The following MAP2K1 variants were observed in gnomAD, a reference collection of about 807,000 sequenced individuals.
MAP2K1 encodes the protein dual specificity mitogen-activated protein kinase kinase 1.
A neutral mutation model predicts 46.3 loss-of-function variants in MAP2K1; 16 were observed. The ratio of observed to expected loss-of-function variants is 0.35; its 90% CI spans 0.23 to 0.52. MAP2K1 has a LOEUF of 0.52. Among genes scored for constraint, MAP2K1 ranks in the 20% least tolerant of loss-of-function variants. The pLI is 0.94. For synonymous variants in MAP2K1, 183 were observed against 185.6 expected, an observed-to-expected ratio of 0.99 and a Z score of 0.11; for missense variants, 263 against 497.1, an observed-to-expected ratio of 0.53 and a Z score of 4.48.
intron 1 of MAP2K1, among the ~76,000 whole-genome samples, chr15:66,402,656 G>C (rs534108021): frequency 6.6e-6 from 1 of 152,024 alleles, no homozygotes; most frequent in African/African-American, 2.4e-5. Flanking sequence ...TGATGCTGTT[G>C]TTATTGAACA....
intron 1 of MAP2K1, among the ~76,000 whole-genome samples, chr15:66,405,860 T>C (rs937131386): frequency 2.0e-5 from 3 of 152,266 alleles, no homozygotes; most frequent in African/African-American, 7.2e-5. Context: ...TGGTTCTTTC[T>C]CTGACTTCCT....
intron 5 of MAP2K1, among the ~76,000 whole-genome samples, chr15:66,480,059 C>T (rs573994933): frequency 6.6e-6 from 1 of 151,792 alleles, no homozygotes; most frequent in East Asian, 1.9e-4. Context: ...CATGCGCCAC[C>T]ACGCTAATTT....
intron 1 of MAP2K1, among the ~76,000 whole-genome samples, chr15:66,428,005 CTCTG>C (rs1299773651): frequency 6.6e-6 from 1 of 152,092 alleles, no homozygotes; most frequent in Non-Finnish European, 1.5e-5. Context: ...CAGGGCAAGA[CTCTG>C]TCTCCAAAAA....
At chr15:66,471,777 C>T (rs972730518) in intron 5 of MAP2K1, among the ~76,000 whole-genome samples, 3 of 152,082 alleles carry the variant, frequency 2.0e-5, no homozygotes, top group African/African-American at 7.2e-5. Context: ...TTAAAATATA[C>T]TTTAAAAAGA....
At chr15:66,418,945 C>CTTTTTTT (rs753511565) in intron 1 of MAP2K1, among the ~76,000 whole-genome samples, 4 of 88,908 alleles carry the variant, frequency 4.5e-5, no homozygotes, top group African/African-American at 9.3e-5. Flanking sequence ...TGTGCCCGGC[C>CTTTTTTT]TTTTTTTTTT....
In MAP2K1 at chr15:66,490,532, G is replaced by A; in HGVS notation, c.1099G>A (p.Glu367Lys). 1 of 1,614,134 alleles carries A rather than the reference G, an allele frequency of 6.2e-7. No homozygotes were observed. The highest frequency in any genetic ancestry group is 8.5e-7 in the Non-Finnish European group (1 of 1,179,950). Residue 367 changes from glutamate (E) to lysine (K), a missense_variant, in exon 11 of 11, where the codon GAG (glutamate) becomes AAG (lysine). Glu to Lys is a moderately conservative substitution (Grantham distance 56). Transcript: ENST00000307102. ...TGCTTTTATCAAGAGATCTGATGCT[G>A]AGGAAGTGGATTTTGCAGGTTGGCT... Reference protein sequence around the residue: ...VHAFIKRSDAEEVDFAGWLCS... With the variant: ...VHAFIKRSDAKEVDFAGWLCS...
chr15:66,458,248 C>G (rs944245093), intron 5 of MAP2K1, among the ~76,000 whole-genome samples: 4 of 152,168 alleles, frequency 2.6e-5, no homozygotes, highest in African/African-American at 9.7e-5. Context: ...CATTGCCACC[C>G]TGCCGTTCTT....
chr15:66,388,929 G>A (rs1444208232), intron 1 of MAP2K1, among the ~76,000 whole-genome samples: 2 of 116,692 alleles, frequency 1.7e-5, no homozygotes, highest in Admixed American at 9.0e-5. Context: ...TTTTTGAGTC[G>A]GAGTTTCACT....
At chr15:66,455,850 C>G (rs368960398) in intron 5 of MAP2K1, among the ~76,000 whole-genome samples, 4 of 152,280 alleles carry the variant, frequency 2.6e-5, no homozygotes, top group Admixed American at 1.3e-4. Context: ...GTGATTTGTT[C>G]TGTTATTATA....
chr15:66,475,642 G>A (rs28610140), intron 5 of MAP2K1, among the ~76,000 whole-genome samples: 4,733 of 152,286 alleles, frequency 0.031, 100 homozygotes, highest in Non-Finnish European at 0.044. Context: ...ATAGAAGGCC[G>A]AGATTCACCT....
At chr15:66,459,778 C>T (rs1318687440) in intron 5 of MAP2K1, among the ~76,000 whole-genome samples, 1 of 152,178 alleles carries the variant, frequency 6.6e-6, no homozygotes, top group Non-Finnish European at 1.5e-5. Flanking sequence ...GACTTGTTGG[C>T]ACTGATAGCA....
chr15:66,400,165 C>CA (rs928329875), intron 1 of MAP2K1, among the ~76,000 whole-genome samples: 15 of 150,142 alleles, frequency 1.0e-4, no homozygotes, highest in South Asian at 2.1e-4. Context: ...AACAAACTAG[C>CA]AAAAAAAAAC....
chr15:66,423,604 ATTTTTTTTT>A, intron 1 of MAP2K1, among the ~76,000 whole-genome samples: 1 of 113,136 alleles, frequency 8.8e-6, no homozygotes, highest in South Asian at 2.9e-4. Context: ...TGCCAGGCTA[ATTTTTTTTT>A]TTTTTTTTTT....
chr15:66,454,891 AAAAC>A (rs945882725), intron 5 of MAP2K1, among the ~76,000 whole-genome samples: 16 of 152,140 alleles, frequency 1.1e-4, no homozygotes, highest in African/African-American at 3.6e-4. Flanking sequence ...TCGAAAAAAA[AAAAC>A]AAAAAAAGAA....
chr15:66,489,464 C>T, intron 9 of MAP2K1, 188 bp downstream of exon 9: 1 of 682,530 alleles, frequency 1.5e-6, no homozygotes, highest in South Asian at 1.7e-5. Context: ...TGTCTAACTA[C>T]ATCATGGATG....
intron 6 of MAP2K1, among the ~76,000 whole-genome samples, chr15:66,483,240 AC>A (rs1052639508): frequency 4.0e-5 from 6 of 150,828 alleles, no homozygotes; most frequent in African/African-American, 1.5e-4. Context: ...GCTGGCACCT[AC>A]CCCCCACTGT....
intron 5 of MAP2K1, among the ~76,000 whole-genome samples, chr15:66,467,482 T>C (rs1013909153): frequency 2.6e-5 from 4 of 152,180 alleles, no homozygotes; most frequent in African/African-American, 9.7e-5. Context: ...TGATTAGAAG[T>C]TATGGTTATT....
intron 1 of MAP2K1, among the ~76,000 whole-genome samples, chr15:66,433,619 T>G (rs141716524): frequency 2.8e-4 from 43 of 152,336 alleles, no homozygotes; most frequent in African/African-American, 9.9e-4. Context: ...TTCATTTCCC[T>G]GTCTTCTAGA....
rs2140674615 is a variant in MAP2K1 at position 66,485,076 on chromosome 15, G to A, written c.780G>A (p.Arg260=). The change falls in exon 7 of 11, where the codon AGG becomes AGA. Residue 260 remains arginine, a synonymous_variant. Transcript: ENST00000307102. Reference sequence around the variant, plus strand: ...CTCTGGTAGAGATGGCGGTTGGGAGGTATCCCATCCCTCCTCCAGATGCCA... The same window carrying A: ...CTCTGGTAGAGATGGCGGTTGGGAGATATCCCATCCCTCCTCCAGATGCCA... ...GLSLVEMAVG[R]YPIPPPDAKE... is the part of the protein sequence containing the mutation. 6.2e-7 allele frequency: 1 copy of A among 1,613,912 alleles called. No individual in the cohort carries two copies. The highest frequency in any genetic ancestry group is 8.5e-7 in the Non-Finnish European group (1 of 1,179,964).
Sources: allele counts gnomAD v4.1 joint callset (sites outside exome capture counted in the v4.1 genomes callset), GRCh38; gene constraint gnomAD v4.1.1; transcripts MANE v1.5; gene names NCBI Gene and HGNC (gene_info 2026-07-23, HGNC 2026-07-21).